MYO3B: variants seen among roughly 807,000 people sequenced by gnomAD.
The protein encoded by MYO3B is myosin IIIB, also known as myosin-IIIb.
Under a neutral mutation model 174.6 loss-of-function variants are expected in MYO3B, and 156 were observed. That is an observed-to-expected ratio of 0.89 (90% CI 0.78 to 1.02). The LOEUF (loss-of-function observed/expected upper bound fraction) is 1.02, where lower values mean the gene tolerates loss of function less well. Among genes scored for constraint, MYO3B ranks in the 50% least tolerant of loss-of-function variants. The probability of loss-of-function intolerance (pLI) is 0.00; values close to 1 mark genes in which losing one functional copy is unlikely to be tolerated. For missense variants in MYO3B, 1,632 were observed against 1,639.4 expected (o/e 1.00, Z 0.08); for synonymous variants, 563 against 569.1 (o/e 0.99, Z 0.15).
At chr2:170,327,124 C>CG (rs1156819202) in intron 7 of MYO3B, among the ~76,000 whole-genome samples, 1 of 152,176 alleles carries the variant, frequency 6.6e-6, no homozygotes, top group African/African-American at 2.4e-5. Context: ...TGGTGGCTCA[C>CG]GCCTGTAATC....
rs191234051 is a variant in MYO3B at position 170,343,089 on chromosome 2, C to T, written c.815+7639C>T. 1.5e-3 allele frequency among the ~76,000 whole-genome samples: 230 copies of T among 149,224 alleles called. 1 individual carries two copies. The highest frequency in any genetic ancestry group is 5.3e-3 in the African/African-American group (214 of 40,728). On this transcript the variant is annotated intron_variant, in intron 8 of 34. Transcript: ENST00000408978. The stretch of plus-strand genomic sequence containing the variant: ...CACACACACACACACCCCTCTCCAC[C>T]CCTTCTCAATGGCAACAGCTCCCTC...
chr2:170,600,727 A>G (rs1254749604), intron 32 of MYO3B, among the ~76,000 whole-genome samples: 1 of 152,210 alleles, frequency 6.6e-6, no homozygotes, highest in African/African-American at 2.4e-5. Flanking sequence ...TTGGTGATAC[A>G]TTCTCAGGTC....
chr2:170,512,296 G>A (rs1462144065), intron 28 of MYO3B, among the ~76,000 whole-genome samples: 2 of 152,092 alleles, frequency 1.3e-5, no homozygotes, highest in Non-Finnish European at 2.9e-5. Flanking sequence ...GCTTTTGGTG[G>A]CATTTGCCTG....
Position 170,499,918 on chromosome 2 carries a change from C to G in MYO3B, c.3289+110C>G, listed in dbSNP as rs1687137170. 11 of 753,472 alleles carry G rather than the reference C, an allele frequency of 1.5e-5. No individual in the cohort carries two copies. The South Asian group carries it at 2.3e-4, about 16-fold the overall frequency. The allele number at this position is 753,472 out of a possible 1,614,324, so 46.7% of individuals were successfully genotyped here. On this transcript the variant is annotated intron_variant, in intron 27 of 34. Coordinates refer to ENST00000408978, the MANE Select transcript of MYO3B (RefSeq NM_138995.5). ...AGTGGTTTCCCTCCCTCCCTTCCTT[C>G]TCCCCTCCCTCCCTCCCTTCCTTCC...
intron 32 of MYO3B, among the ~76,000 whole-genome samples, chr2:170,632,925 C>T (rs1665370171): frequency 1.3e-5 from 2 of 148,976 alleles, no homozygotes; most frequent in Non-Finnish European, 3.0e-5. Context: ...CCTCCAAAGA[C>T]AGCTGAATTG....
chr2:170,569,793 G>A (rs576582893), intron 32 of MYO3B, among the ~76,000 whole-genome samples: 41 of 151,378 alleles, frequency 2.7e-4, no homozygotes, highest in Non-Finnish European at 5.6e-4. Context: ...ACCCTGGGGC[G>A]GAGGTTTCAG....
chr2:170,622,525 T>C (rs1696013447), intron 32 of MYO3B, among the ~76,000 whole-genome samples: 1 of 152,204 alleles, frequency 6.6e-6, no homozygotes, highest in African/African-American at 2.4e-5. Context: ...ATGCCATTAA[T>C]ATGCAAGGAA....
intron 7 of MYO3B, among the ~76,000 whole-genome samples, chr2:170,325,595 C>G (rs1383215535): frequency 6.6e-6 from 1 of 152,116 alleles, no homozygotes; most frequent in Non-Finnish European, 1.5e-5. Flanking sequence ...CTGATAGATG[C>G]TAGAGGATGA....
chr2:170,635,550 A>C (rs1697392138), intron 32 of MYO3B, among the ~76,000 whole-genome samples: 1 of 152,146 alleles, frequency 6.6e-6, no homozygotes, highest in African/African-American at 2.4e-5. Flanking sequence ...CCAACACAAC[A>C]CATGTATACA....
intron 6 of MYO3B, among the ~76,000 whole-genome samples, chr2:170,220,934 A>G (rs920439283): frequency 6.6e-6 from 1 of 152,108 alleles, no homozygotes; most frequent in African/African-American, 2.4e-5. Context: ...CTATTCTCAC[A>G]TTTTTATTTT....
intron 22 of MYO3B, among the ~76,000 whole-genome samples, chr2:170,430,140 A>G (rs2094697711): frequency 6.6e-6 from 1 of 151,942 alleles, no homozygotes; most frequent in African/African-American, 2.4e-5. Flanking sequence ...GTTTTGGTAT[A>G]CTAGGGGGTA....
At chr2:170,178,874 TATC>T (rs1342975444) in intron 1 of MYO3B, among the ~76,000 whole-genome samples, 2 of 152,202 alleles carry the variant, frequency 1.3e-5, no homozygotes, top group African/African-American at 4.8e-5. Flanking sequence ...GTGACTGCAA[TATC>T]ATGACAGATT....
In MYO3B at chr2:170,328,344, G is replaced by A. The variant is rs191475323; in HGVS notation, c.750-7041G>A. The stretch of plus-strand genomic sequence containing the variant: ...TTCAGTGTTTGTAGCTGCTGGAATC[G>A]AACCACTCAAGGTCACTATTTACAG... On this transcript the variant is annotated intron_variant, in intron 7 of 34. Transcript: ENST00000408978. Among the ~76,000 whole-genome samples the A allele has an allele frequency of 9.9e-4, 151 of 152,214 alleles. 1 individual carries two copies. The highest frequency in any genetic ancestry group is 1.6e-3 in the Admixed American group (25 of 15,282).
At chr2:170,501,984 G>T in intron 28 of MYO3B, 119 bp downstream of exon 28, 1 of 670,578 alleles carries the variant, frequency 1.5e-6, no homozygotes, top group Non-Finnish European at 2.6e-6. Flanking sequence ...CAAGAGTTCT[G>T]GGAGACAGGA....
chr2:170,605,486 A>G (rs1411776312), intron 32 of MYO3B, among the ~76,000 whole-genome samples: 1 of 152,134 alleles, frequency 6.6e-6, no homozygotes, highest in Non-Finnish European at 1.5e-5. Flanking sequence ...TGTGCTTAGC[A>G]TGTCCAGAAC....
chr2:170,619,734 A>ATTTTTTTTTTTTT (rs1553539465), intron 32 of MYO3B, among the ~76,000 whole-genome samples: 2 of 33,514 alleles, frequency 6.0e-5, no homozygotes, highest in African/African-American at 1.7e-4. Context: ...CTGCTGCCAT[A>ATTTTTTTTTTTTT]TTCTTTTTTT....
intron 32 of MYO3B, among the ~76,000 whole-genome samples, chr2:170,609,728 T>C (rs73030763): frequency 0.07 from 10,619 of 152,286 alleles, 1,226 homozygotes; most frequent in African/African-American, 0.24. Flanking sequence ...CTGCCAGCCC[T>C]GAGCCTATAT....
chr2:170,631,865 CAG>C (rs1349424076), intron 32 of MYO3B, among the ~76,000 whole-genome samples: 2 of 152,126 alleles, frequency 1.3e-5, no homozygotes, highest in African/African-American at 4.8e-5. Flanking sequence ...TCTGATAAAA[CAG>C]AGTTTAAACC....
At chr2:170,460,263 G>A (rs568505535) in intron 23 of MYO3B, among the ~76,000 whole-genome samples, 1 of 152,214 alleles carries the variant, frequency 6.6e-6, no homozygotes, top group South Asian at 2.1e-4. Flanking sequence ...GCCGAGGCGG[G>A]CGGATCTCAA....
Sources: allele counts gnomAD v4.1 joint callset (sites outside exome capture counted in the v4.1 genomes callset), GRCh38; gene constraint gnomAD v4.1.1; transcripts MANE v1.5; gene names NCBI Gene and HGNC (gene_info 2026-07-23, HGNC 2026-07-21).